Variants in AAK1 observed in about 807,000 individuals in gnomAD.
The protein encoded by AAK1 is AP2-associated protein kinase 1.
In AAK1, 37 loss-of-function variants were observed where a neutral mutation model predicts 116.0. The ratio of observed to expected loss-of-function variants is 0.32; its 90% CI spans 0.25 to 0.42. The LOEUF is 0.42. AAK1 is among the 10% of genes least tolerant of loss of function. The probability of loss-of-function intolerance (pLI) is 1.00; values close to 1 mark genes in which losing one functional copy is unlikely to be tolerated. For synonymous variants in AAK1, 458 were observed against 439.9 expected, an observed-to-expected ratio of 1.04 and a Z score of -0.51; for missense variants, 919 against 1,170.6, an observed-to-expected ratio of 0.79 and a Z score of 3.14.
intron 2 of AAK1, among the ~76,000 whole-genome samples, chr2:69,573,867 C>T (rs1190038965): frequency 6.6e-6 from 1 of 151,618 alleles, no homozygotes; most frequent in Non-Finnish European, 1.5e-5. Context: ...GGCGTGGTTG[C>T]GGGTGCTTGT....
chr2:69,593,528 C>T (rs1017950298), intron 2 of AAK1, among the ~76,000 whole-genome samples: 1 of 151,314 alleles, frequency 6.6e-6, no homozygotes, highest in Non-Finnish European at 1.5e-5. Flanking sequence ...GCAAATATAT[C>T]TTATTATATA....
At chr2:69,523,024 G>A (rs1422802955) in intron 10 of AAK1, among the ~76,000 whole-genome samples, 2 of 152,150 alleles carry the variant, frequency 1.3e-5, no homozygotes. Flanking sequence ...TCAGCTTTGG[G>A]TCCTTTATGT....
At chr2:69,498,891 GC>G (rs1215715995) in intron 16 of AAK1, among the ~76,000 whole-genome samples, 12 of 152,330 alleles carry the variant, frequency 7.9e-5, no homozygotes, top group African/African-American at 2.4e-4. Context: ...GAACTTCCCA[GC>G]CCCAGCTCAA....
At position 69,464,860 on chromosome 2, in the gene AAK1, A is replaced by G. The variant is rs1674437889; in HGVS notation, c.*11009T>C. 2 of 154,558 alleles carry G rather than the reference A, an allele frequency of 1.3e-5. No individual in the cohort carries two copies. The highest frequency in any genetic ancestry group is 1.3e-4 in the Admixed American group (2 of 15,620). The allele number at this position is 154,558 out of a possible 1,614,324, so 9.6% of individuals were successfully genotyped here. ...CTGAGAATCAGATCTGGAGACTCCT[A>G]GAGCTGCTGCTTCTACAGGAATTAT... On this transcript the variant is annotated 3_prime_UTR_variant, in exon 22 of 22. Coordinates refer to ENST00000409085, the MANE Select transcript of AAK1 (RefSeq NM_014911.5).
chr2:69,600,418 G>C (rs998524000), intron 2 of AAK1, among the ~76,000 whole-genome samples: 1 of 152,062 alleles, frequency 6.6e-6, no homozygotes, highest in Non-Finnish European at 1.5e-5. Context: ...GGAAGAAGCT[G>C]ATTCCAACTC....
chr2:69,468,979 C>T lies in AAK1; in HGVS notation c.*6890G>A, dbSNP rs943556690. The stretch of plus-strand genomic sequence containing the variant: ...AACAACTTTGAATAATTTACAAAAA[C>T]AGTCACAAAAACACCAGAATATCAA... On this transcript the variant is annotated 3_prime_UTR_variant, in exon 22 of 22. Transcript: ENST00000409085. The T allele has an allele frequency of 1.7e-5, 17 of 985,172 alleles. No homozygotes were observed. The highest frequency in any genetic ancestry group is 5.2e-4 in the Middle Eastern group (1 of 1,936). The allele number at this position is 985,172 out of a possible 1,614,324, so 61.0% of individuals were successfully genotyped here.
In AAK1 at chr2:69,469,367, T is replaced by C. The variant is rs189860841; in HGVS notation, c.*6502A>G. 1.0e-6 allele frequency: 1 copy of C among 985,442 alleles called. No individual in the cohort carries two copies. The highest frequency in any genetic ancestry group is 1.1e-4 in the East Asian group (1 of 8,824). 61.0% of individuals were successfully genotyped at this position (985,442 alleles called of 1,614,324 possible). A position where few individuals can be genotyped will look rare whatever the true frequency, so the allele number is the denominator to read the frequency against. ...ATATACTAGAAACAGAAGGTAACCATTAAATCTTGTTGGCAGATAAAAGTC... is the reference window on the plus strand; with the variant it reads ...ATATACTAGAAACAGAAGGTAACCACTAAATCTTGTTGGCAGATAAAAGTC... On this transcript the variant is annotated 3_prime_UTR_variant, in exon 22 of 22. Transcript: ENST00000409085.
At position 69,514,615 on chromosome 2, in the gene AAK1, C is replaced by T. The variant is rs777422925; in HGVS notation, c.1632G>A (p.Gln544=). ...GATGCAGGGCTGTGGCCAGCTGTTGCTGTTGCTGTTGTTGTTGCTGCTGCT... is the reference window on the plus strand; with the variant it reads ...GATGCAGGGCTGTGGCCAGCTGTTGTTGTTGCTGTTGTTGTTGCTGCTGCT... The part of the protein sequence containing the change: ...QQQQQQQQQQ[Q]QQLATALHQQ... The change falls in exon 13 of 22, where the codon CAG becomes CAA. Residue 544 remains glutamine, a synonymous_variant. Coordinates refer to ENST00000409085, the MANE Select transcript of AAK1 (RefSeq NM_014911.5). 6.3e-7 allele frequency: 1 copy of T among 1,587,600 alleles called. No homozygotes were observed. The highest frequency in any genetic ancestry group is 1.1e-5 in the South Asian group (1 of 88,106).
intron 2 of AAK1, among the ~76,000 whole-genome samples, chr2:69,571,104 G>T (rs1476467836): frequency 6.6e-6 from 1 of 152,134 alleles, no homozygotes; most frequent in African/African-American, 2.4e-5. Flanking sequence ...ACAGGGCAAG[G>T]ATTTTATTTT....
intron 2 of AAK1, among the ~76,000 whole-genome samples, chr2:69,593,104 C>T (rs1414581714): frequency 6.6e-6 from 1 of 152,076 alleles, no homozygotes; most frequent in African/African-American, 2.4e-5. Context: ...TATAGTGAAA[C>T]AGAAGTGTGC....
Position 69,470,838 on chromosome 2 carries a change from A to G in AAK1, c.*5031T>C, listed in dbSNP as rs941125284. On this transcript the variant is annotated 3_prime_UTR_variant, in exon 22 of 22. Coordinates refer to ENST00000409085, the MANE Select transcript of AAK1 (RefSeq NM_014911.5). ...TATTGTCACTCAATACTGTGATTAA[A>G]TCCTTTCTGCAAAAAAGTGGGTTTT... 10 of 985,726 alleles carry G rather than the reference A, an allele frequency of 1.0e-5. No individual in the cohort carries two copies. Among genetic ancestry groups the G allele is most frequent in the Admixed American group, 6.1e-5 (1 of 16,264 alleles). 61.1% of individuals were successfully genotyped at this position (985,726 alleles called of 1,614,324 possible). A position where few individuals can be genotyped will look rare whatever the true frequency, so the allele number is the denominator to read the frequency against.
intron 13 of AAK1, among the ~76,000 whole-genome samples, chr2:69,513,269 T>C (rs868218528): frequency 1.3e-5 from 2 of 152,100 alleles, no homozygotes; most frequent in African/African-American, 2.4e-5. Context: ...GTAGGTTTTC[T>C]GGTTTAAGAT....
intron 2 of AAK1, among the ~76,000 whole-genome samples, chr2:69,558,301 G>T (rs1003704792): frequency 6.7e-6 from 1 of 149,114 alleles, no homozygotes; most frequent in Non-Finnish European, 1.5e-5. Context: ...CTGTGACTGC[G>T]CCACTGAACT....
In AAK1 at chr2:69,473,759, T is replaced by C. The variant is rs1200342270; in HGVS notation, c.*2110A>G. On this transcript the variant is annotated 3_prime_UTR_variant, in exon 22 of 22. Transcript: ENST00000409085. ...ACGAAAAAAATCAAATATGAAAACA[T>C]AGAACTCAAACATTATTCTTATTTA... The C allele has an allele frequency of 5.9e-5, 58 of 977,632 alleles. No individual in the cohort carries two copies. The highest frequency in any genetic ancestry group is 2.3e-4 in the East Asian group (2 of 8,804). 60.6% of individuals were successfully genotyped at this position (977,632 alleles called of 1,614,324 possible).
At position 69,509,373 on chromosome 2, in the gene AAK1, G is replaced by A. The variant is rs781518513; in HGVS notation, c.1864C>T (p.Pro622Ser). ...QGQKVGSLTPPSSPKTQRAGH... is the reference protein window; with the variant it reads ...QGQKVGSLTPSSSPKTQRAGH... ...GCACGTTGGGTTTTGGGGGATGAGG[G>A]TGGAGTGAGAGATCCAACTTTCTGC... Residue 622 changes from proline (P) to serine (S), a missense_variant, in exon 14 of 22, where the codon CCC becomes TCC. Pro to Ser is a moderately conservative substitution (Grantham distance 74). Transcript: ENST00000409085. 12 of 1,614,036 alleles carry A rather than the reference G, an allele frequency of 7.4e-6. No individual in the cohort carries two copies. Among genetic ancestry groups the A allele is most frequent in the Admixed American group, 3.3e-5 (2 of 60,024 alleles).
chr2:69,461,594 AAT>A lies in AAK1; in HGVS notation c.*14273_*14274del. ...CTCCACCCATCATGTCTCCAGTGAC[AAT>A]TTTTTTTTTTTTTTTGAGGCGGAGT... On this transcript the variant is annotated 3_prime_UTR_variant, in exon 22 of 22. Transcript: ENST00000409085. The A allele has an allele frequency of 2.3e-6, 1 of 426,118 alleles. No individual in the cohort carries two copies. The highest frequency in any genetic ancestry group is 2.6e-5 in the Admixed American group (1 of 39,184). 26.4% of individuals were successfully genotyped at this position (426,118 alleles called of 1,614,324 possible). A position where few individuals can be genotyped will look rare whatever the true frequency, so the allele number is the denominator to read the frequency against.
At chr2:69,542,756 A>G (rs1398460754) in intron 4 of AAK1, 91 bp from the exon 5 acceptor site, 1 of 1,439,096 alleles carries the variant, frequency 6.9e-7, no homozygotes, top group Non-Finnish European at 9.5e-7. Context: ...AAAGAGAAGC[A>G]GTCTGGACTA....
intron 2 of AAK1, among the ~76,000 whole-genome samples, chr2:69,617,681 ACAT>A (rs753768583): frequency 5.9e-5 from 9 of 152,214 alleles, no homozygotes; most frequent in Non-Finnish European, 1.0e-4. Context: ...GAGAGTGCAA[ACAT>A]CAGGAACAAC....
At chr2:69,553,677 C>T (rs1422061591) in intron 3 of AAK1, among the ~76,000 whole-genome samples, 2 of 151,658 alleles carry the variant, frequency 1.3e-5, no homozygotes, top group African/African-American at 4.8e-5. Flanking sequence ...CTCCTGACCT[C>T]GTGATCTGCC....
Sources: allele counts gnomAD v4.1 joint callset (sites outside exome capture counted in the v4.1 genomes callset), GRCh38; gene constraint gnomAD v4.1.1; transcripts MANE v1.5; gene names NCBI Gene and HGNC (gene_info 2026-07-23, HGNC 2026-07-21).